The following ANK2 variants were observed in gnomAD, a reference collection of about 807,000 sequenced individuals.
ANK2 encodes the protein ankyrin-2.
ANK2 carries 83 observed loss-of-function variants against 360.5 expected under a neutral mutation model. That is an observed-to-expected ratio of 0.23 (90% CI 0.19 to 0.28). ANK2 has a LOEUF of 0.28. ANK2 is among the 10% of genes least tolerant of loss of function. The probability of loss-of-function intolerance (pLI) is 1.00; values close to 1 mark genes in which losing one functional copy is unlikely to be tolerated. For synonymous variants in ANK2, 1,740 were observed against 1,759.5 expected (o/e 0.99, Z 0.28); for missense variants, 4,201 against 4,795.7 (o/e 0.88, Z 3.66).
At chr4:113,351,937 A>G (rs958378063) in intron 37 of ANK2, among the ~76,000 whole-genome samples, 3 of 152,204 alleles carry the variant, frequency 2.0e-5, no homozygotes, top group Non-Finnish European at 4.4e-5. Flanking sequence ...TTATCAGTAC[A>G]TTTTAGAAGA....
intron 1 of ANK2, among the ~76,000 whole-genome samples, chr4:113,148,487 C>T (rs1031015916): frequency 6.6e-6 from 1 of 151,954 alleles, no homozygotes; most frequent in Non-Finnish European, 1.5e-5. Context: ...AACAATTTTT[C>T]CCAATTGTAG....
At chr4:112,805,308 TTCATACATTTTTATG>T in the ANK2 span, among the ~76,000 whole-genome samples, 1 of 150,906 alleles carries the variant, frequency 6.6e-6, no homozygotes, top group East Asian at 1.9e-4. Context: ...AAACTTAAGC[TTCATACATTTTTATG>T]AAATGAGAGG....
At chr4:113,188,722 A>G (rs758949393) in intron 2 of ANK2, among the ~76,000 whole-genome samples, 13 of 152,194 alleles carry the variant, frequency 8.5e-5, no homozygotes, top group Non-Finnish European at 1.8e-4. Context: ...ATCCTTAATA[A>G]CAAAGGCTAT....
intron 1 of ANK2, 95 bp downstream of exon 1, chr4:113,049,907 C>A: frequency 2.1e-6 from 3 of 1,432,436 alleles, no homozygotes; most frequent in Non-Finnish European, 2.9e-6. Flanking sequence ...AACCGTGGAG[C>A]ATTATGAGTA....
At chr4:112,865,204 A>G (rs2070018450) in intron 1 of ANK2, among the ~76,000 whole-genome samples, 1 of 152,174 alleles carries the variant, frequency 6.6e-6, no homozygotes, top group Non-Finnish European at 1.5e-5. Context: ...CTGGTTTAGC[A>G]TTAGAAATCA....
At chr4:113,330,219 T>C (rs755904142) in intron 26 of ANK2, 27 bp from the exon 27 acceptor site, 12 of 1,598,612 alleles carry the variant, frequency 7.5e-6, no homozygotes, top group Middle Eastern at 3.3e-4. Flanking sequence ...TTTCAAAACA[T>C]ATCTAATCTT....
Position 113,357,390 on chromosome 4 carries a change from C to T in ANK2, c.8772C>T (p.Ile2924=), listed in dbSNP as rs773189867. Reference sequence around the variant, plus strand: ...ATGATGAAATCTATGATCCACAAATCACTAGCCCTTATGAAAATGTCCCTT... The same window carrying T: ...ATGATGAAATCTATGATCCACAAATTACTAGCCCTTATGAAAATGTCCCTT... ...AENDEIYDPQ[I]TSPYENVPSQ... is the part of the protein sequence containing the mutation. Residue 2924 remains isoleucine, a synonymous_variant, in exon 38 of 46, where the codon ATC becomes ATT. Transcript: ENST00000357077. 6.8e-6 allele frequency: 11 copies of T among 1,613,898 alleles called. No individual in the cohort carries two copies. Among genetic ancestry groups the T allele is most frequent in the African/African-American group, 1.3e-5 (1 of 74,890 alleles).
At chr4:113,318,840 G>A (rs562580655) in intron 26 of ANK2, among the ~76,000 whole-genome samples, 78 of 152,170 alleles carry the variant, frequency 5.1e-4, no homozygotes, top group African/African-American at 1.6e-3. Context: ...ACTGACTATT[G>A]TTTTAAAACA....
At chr4:113,311,463 T>C in intron 24 of ANK2, 64 bp downstream of exon 24, 1 of 1,582,176 alleles carries the variant, frequency 6.3e-7, no homozygotes, top group Non-Finnish European at 8.7e-7. Flanking sequence ...TTTATGATGA[T>C]GATAAAAATG....
upstream of ANK2, among the ~76,000 whole-genome samples, chr4:112,813,300 C>G (rs1188411012): frequency 6.9e-6 from 1 of 145,392 alleles, no homozygotes; most frequent in Non-Finnish European, 1.5e-5. Context: ...GGAACAAAAA[C>G]AATGGAAAAA....
chr4:113,192,732 T>C (rs547582973), intron 2 of ANK2, among the ~76,000 whole-genome samples: 1 of 152,216 alleles, frequency 6.6e-6, no homozygotes, highest in African/African-American at 2.4e-5. Context: ...TAAAATATAA[T>C]AGTGATTCCT....
chr4:112,913,229 A>G (rs376724850), intron 2 of ANK2, among the ~76,000 whole-genome samples: 11 of 152,226 alleles, frequency 7.2e-5, no homozygotes, highest in African/African-American at 2.7e-4. Flanking sequence ...ATTTATGTAA[A>G]TGGCCAGTAA....
chr4:112,814,110 G>A (rs2055479871), upstream of ANK2, among the ~76,000 whole-genome samples: 1 of 152,230 alleles, frequency 6.6e-6, no homozygotes, highest in Non-Finnish European at 1.5e-5. Context: ...AGGCCACACT[G>A]AGTTGCAAGG....
intron 2 of ANK2, among the ~76,000 whole-genome samples, chr4:113,042,474 C>T (rs2154315131): frequency 6.6e-6 from 1 of 152,300 alleles, no homozygotes; most frequent in South Asian, 2.1e-4. Flanking sequence ...CTAGAGAACT[C>T]TGACTAATAC....
At chr4:112,957,680 G>A (rs2030548581) in intron 2 of ANK2, among the ~76,000 whole-genome samples, 2 of 150,066 alleles carry the variant, frequency 1.3e-5, no homozygotes, top group African/African-American at 2.5e-5. Flanking sequence ...GGGGCGGCTG[G>A]CTGGGCGGGG....
chr4:112,913,989 T>C (rs1413121883), intron 2 of ANK2, among the ~76,000 whole-genome samples: 1 of 152,208 alleles, frequency 6.6e-6, no homozygotes, highest in East Asian at 1.9e-4. Flanking sequence ...TACTTTCTAC[T>C]AAGGAACTCA....
chr4:113,209,230 G>A (rs968648750), intron 4 of ANK2, among the ~76,000 whole-genome samples: 1 of 151,940 alleles, frequency 6.6e-6, no homozygotes, highest in Non-Finnish European at 1.5e-5. Flanking sequence ...AGGAGGTCTT[G>A]CTATATAGAT....
chr4:112,883,149 C>T (rs1485726732), intron 1 of ANK2, among the ~76,000 whole-genome samples: 1 of 146,892 alleles, frequency 6.8e-6, no homozygotes, highest in African/African-American at 2.5e-5. Flanking sequence ...AGCGATTCTC[C>T]TGCCTCAGCC....
chr4:112,847,410 C>T (rs1484884657), intron 1 of ANK2, among the ~76,000 whole-genome samples: 2 of 152,002 alleles, frequency 1.3e-5, no homozygotes, highest in Non-Finnish European at 2.9e-5. Context: ...AATTTGTTAC[C>T]GAGTTCTATT....
Sources: gnomAD v4.1 joint callset for allele counts (sites outside exome capture counted in the v4.1 genomes callset) on GRCh38, gnomAD v4.1.1 for gene constraint, MANE v1.5 for transcripts, NCBI Gene and HGNC (gene_info 2026-07-23, HGNC 2026-07-21) for gene names.